Variants in NRG3 observed in about 807,000 individuals in gnomAD.
NRG3 encodes pro-neuregulin-3, membrane-bound isoform.
NRG3 carries 31 observed loss-of-function variants against 66.9 expected under a neutral mutation model. The ratio of observed to expected loss-of-function variants is 0.46; its 90% CI spans 0.35 to 0.63. The LOEUF (loss-of-function observed/expected upper bound fraction) is 0.63, where lower values mean the gene tolerates loss of function less well. Ranked by LOEUF, NRG3 falls within the 20% of genes least tolerant of loss-of-function variation. NRG3 has a pLI of 0.00. For synonymous variants in NRG3, 393 were observed against 359.4 expected (o/e 1.09, Z -1.06); for missense variants, 910 against 878.9 (o/e 1.04, Z -0.45).
intron 2 of NRG3, among the ~76,000 whole-genome samples, chr10:82,582,001 G>A (rs1204395232): frequency 2.0e-5 from 3 of 151,892 alleles, no homozygotes; most frequent in African/African-American, 4.8e-5. Flanking sequence ...GATATTTATA[G>A]TATCGAATCA....
chr10:82,512,210 A>G (rs978504891), intron 2 of NRG3, among the ~76,000 whole-genome samples: 2 of 151,650 alleles, frequency 1.3e-5, no homozygotes, highest in East Asian at 1.9e-4. Flanking sequence ...TATAAAATAT[A>G]CATATATAGA....
At chr10:82,816,373 G>A (rs1427400217) in intron 3 of NRG3, among the ~76,000 whole-genome samples, 1 of 152,190 alleles carries the variant, frequency 6.6e-6, no homozygotes, top group African/African-American at 2.4e-5. Context: ...CCTTTCCGCA[G>A]GCAGGTCATC....
chr10:82,198,929 G>A (rs573891280), intron 1 of NRG3, among the ~76,000 whole-genome samples: 238 of 149,694 alleles, frequency 1.6e-3, no homozygotes, highest in African/African-American at 5.6e-3. Context: ...CCCGGGAGGC[G>A]GAGGTTGCAG....
At chr10:82,617,292 CAT>C (rs914494409) in intron 2 of NRG3, among the ~76,000 whole-genome samples, 3 of 150,362 alleles carry the variant, frequency 2.0e-5, no homozygotes, top group Admixed American at 2.0e-4. Context: ...ACACATCACA[CAT>C]ATACACACAC....
At chr10:82,355,092 T>A (rs1030632903) in intron 1 of NRG3, among the ~76,000 whole-genome samples, 1 of 152,198 alleles carries the variant, frequency 6.6e-6, no homozygotes, top group African/African-American at 2.4e-5. Context: ...GCCAGCTTAG[T>A]GTATTGGACT....
At chr10:82,788,101 G>A (rs1050880052) in intron 3 of NRG3, among the ~76,000 whole-genome samples, 1 of 152,162 alleles carries the variant, frequency 6.6e-6, no homozygotes, top group African/African-American at 2.4e-5. Context: ...TTATTGTGTT[G>A]TTGGCTTCAT....
chr10:82,843,750 A>T (rs1333584397), intron 3 of NRG3, among the ~76,000 whole-genome samples: 3 of 152,158 alleles, frequency 2.0e-5, no homozygotes, highest in Non-Finnish European at 4.4e-5. Context: ...AAATGCATTT[A>T]AAAAAATTGG....
intron 1 of NRG3, among the ~76,000 whole-genome samples, chr10:82,059,662 C>T (rs73318361): frequency 0.038 from 5,774 of 152,164 alleles, 369 homozygotes; most frequent in African/African-American, 0.13. Flanking sequence ...TACTTATGAT[C>T]GGCGCTATGT....
chr10:82,972,967 CA>C, intron 6 of NRG3, among the ~76,000 whole-genome samples: 1 of 152,228 alleles, frequency 6.6e-6, no homozygotes, highest in East Asian at 1.9e-4. Flanking sequence ...TATCCAGATT[CA>C]AAACTCTCTT....
intron 1 of NRG3, among the ~76,000 whole-genome samples, chr10:82,140,470 G>T (rs569539131): frequency 6.6e-6 from 1 of 152,102 alleles, no homozygotes. Flanking sequence ...AGTCACTGCC[G>T]CAATTTTGTT....
At chr10:82,097,796 G>A (rs2066451157) in intron 1 of NRG3, among the ~76,000 whole-genome samples, 2 of 151,838 alleles carry the variant, frequency 1.3e-5, no homozygotes, top group African/African-American at 4.8e-5. Flanking sequence ...AAAAATTGTA[G>A]CCATTCTAAT....
At chr10:82,169,930 G>T (rs1354512006) in intron 1 of NRG3, among the ~76,000 whole-genome samples, 1 of 148,632 alleles carries the variant, frequency 6.7e-6, no homozygotes, top group Non-Finnish European at 1.5e-5. Flanking sequence ...TCTACTGTTA[G>T]CCTACTTGTG....
intron 2 of NRG3, among the ~76,000 whole-genome samples, chr10:82,555,742 C>T (rs569720650): frequency 5.3e-5 from 8 of 152,258 alleles, no homozygotes; most frequent in African/African-American, 1.9e-4. Flanking sequence ...CCATTTATCC[C>T]TTCTTTCTGT....
intron 2 of NRG3, among the ~76,000 whole-genome samples, chr10:82,408,083 GACAGAAAGAA>G (rs1301081906): frequency 1.2e-3 from 123 of 106,426 alleles, no homozygotes; most frequent in East Asian, 1.6e-3. Context: ...GAGAGAGAGA[GACAGAAAGAA>G]AGAAAGAAAG....
intron 4 of NRG3, among the ~76,000 whole-genome samples, chr10:82,905,018 CA>C (rs1167490711): frequency 6.6e-6 from 1 of 152,056 alleles, no homozygotes; most frequent in East Asian, 1.9e-4. Context: ...CCCTGAAATA[CA>C]GAAAATGAAT....
intron 1 of NRG3, among the ~76,000 whole-genome samples, chr10:82,201,010 A>G (rs1039653000): frequency 1.3e-5 from 2 of 152,046 alleles, no homozygotes; most frequent in African/African-American, 4.8e-5. Context: ...AGCCTGGCCA[A>G]CATGGTGAAA....
Position 82,615,168 on chromosome 10 carries a change from T to G in NRG3, c.954-123409T>G, listed in dbSNP as rs549954154. ...CACATAAAAGTCCTAATTGATTAAT[T>G]TATTACTCATTAACTGGCAGAGCTG... On this transcript the variant is annotated intron_variant, in intron 2 of 8. Coordinates refer to ENST00000372141, the MANE Select transcript of NRG3 (RefSeq NM_001010848.4). 2.6e-5 allele frequency among the ~76,000 whole-genome samples: 4 copies of G among 152,274 alleles called. No individual in the cohort carries two copies. In the East Asian group the frequency reaches 7.7e-4, roughly 29 times the overall value.
intron 3 of NRG3, among the ~76,000 whole-genome samples, chr10:82,857,392 T>C (rs1297950226): frequency 1.3e-5 from 2 of 152,176 alleles, no homozygotes; most frequent in African/African-American, 4.8e-5. Flanking sequence ...GTGTGCTTTC[T>C]AGAAAAGTGG....
chr10:82,259,714 G>T (rs1004957276), intron 1 of NRG3, among the ~76,000 whole-genome samples: 1 of 152,150 alleles, frequency 6.6e-6, no homozygotes, highest in Non-Finnish European at 1.5e-5. Context: ...GATTGCATCA[G>T]CCCCGGAGTT....
Sources: gnomAD v4.1 joint callset for allele counts (sites outside exome capture counted in the v4.1 genomes callset) on GRCh38, gnomAD v4.1.1 for gene constraint, MANE v1.5 for transcripts, NCBI Gene and HGNC (gene_info 2026-07-23, HGNC 2026-07-21) for gene names.